YAE1: variants seen among roughly 807,000 people sequenced by gnomAD.
The protein encoded by YAE1 is protein YAE1 homolog.
A neutral mutation model predicts 23.0 loss-of-function variants in YAE1; 22 were observed. The ratio of observed to expected loss-of-function variants is 0.96; its 90% CI spans 0.68 to 1.37. The LOEUF (loss-of-function observed/expected upper bound fraction) is 1.37. Ranked by LOEUF, YAE1 falls within the 40% of genes most tolerant of loss-of-function variation. The probability of loss-of-function intolerance (pLI) is 0.00; values close to 1 mark genes in which losing one functional copy is unlikely to be tolerated. For synonymous variants in YAE1, 101 were observed against 97.0 expected (o/e 1.04, Z -0.24); for missense variants, 260 against 262.1 (o/e 0.99, Z 0.06).
rs765172035 is a variant in YAE1 at position 39,572,298 on chromosome 7, C to T, written c.273C>T (p.His91=). The T allele has an allele frequency of 7.4e-6, 12 of 1,612,556 alleles. No homozygotes were observed. The Middle Eastern group carries it at 6.6e-4, about 89-fold the overall frequency. ...GTLSALLSWC[H]LHNNNSTLIN... is the part of the protein sequence containing the mutation. ...TCAGTGCTTTGCTCTCCTGGTGTCA[C>T]CTTCATAATAATAATTCAACTTTGA... is the stretch of plus-strand genomic sequence containing the variant. The change falls in exon 3 of 3, where the codon CAC becomes CAT. Residue 91 remains histidine (H), a synonymous_variant. Transcript: ENST00000223273.
At chr7:39,608,627 G>A (rs1791162862) in intron 2 of YAE1, among the ~76,000 whole-genome samples, 1 of 152,128 alleles carries the variant, frequency 6.6e-6, no homozygotes, top group Non-Finnish European at 1.5e-5. Flanking sequence ...GGAAAGACAG[G>A]AAATAAGCTA....
intron 2 of YAE1, among the ~76,000 whole-genome samples, chr7:39,608,072 CA>C (rs1318761440): frequency 3.9e-5 from 6 of 152,308 alleles, no homozygotes; most frequent in Admixed American, 3.9e-4. Flanking sequence ...AGAACATGTT[CA>C]CCCTCCCTTG....
intron 2 of YAE1, among the ~76,000 whole-genome samples, chr7:39,589,386 G>C (rs184595161): frequency 6.6e-5 from 10 of 151,992 alleles, no homozygotes; most frequent in Non-Finnish European, 1.3e-4. Flanking sequence ...TCCCACCTCA[G>C]CCTCCCAAGT....
chr7:39,584,835 AAAGT>A (rs1472649964), intron 2 of YAE1, among the ~76,000 whole-genome samples: 1 of 152,190 alleles, frequency 6.6e-6, no homozygotes. Context: ...CATGGGCAAC[AAAGT>A]AAGACCCCAT....
chr7:39,566,854 C>T lies in YAE1; in HGVS notation c.129+307C>T, dbSNP rs188170050. ...CACAGGGAAAGGAGCTGGAGAGAAA[C>T]ATACACTATACTTATTATGGCTGTC... is the stretch of plus-strand genomic sequence containing the variant. On this transcript the variant is annotated intron_variant, in intron 1 of 2. Transcript: ENST00000223273. The T allele has an allele frequency of 1.8e-4, 54 of 297,654 alleles. No individual in the cohort carries two copies. In the Admixed American group the frequency reaches 2.0e-3, roughly 11 times the overall value. 18.4% of individuals were successfully genotyped at this position (297,654 alleles called of 1,614,324 possible).
At chr7:39,588,233 C>T (rs764924825) in intron 2 of YAE1, among the ~76,000 whole-genome samples, 4 of 152,258 alleles carry the variant, frequency 2.6e-5, no homozygotes, top group East Asian at 3.9e-4. Flanking sequence ...AAAAATGGGC[C>T]GGACGTGGTG....
chr7:39,596,534 G>A (rs773435855), intron 2 of YAE1, among the ~76,000 whole-genome samples: 4 of 152,110 alleles, frequency 2.6e-5, no homozygotes, highest in Non-Finnish European at 5.9e-5. Context: ...ACCATGCCCG[G>A]CTTTAAGTCA....
intron 2 of YAE1, among the ~76,000 whole-genome samples, chr7:39,581,919 A>G (rs1790748290): frequency 6.6e-6 from 1 of 151,154 alleles, no homozygotes; most frequent in African/African-American, 2.5e-5. Context: ...TAGCTTTTTA[A>G]AAAGTAAAAG....
downstream of YAE1, among the ~76,000 whole-genome samples, chr7:39,573,154 T>C (rs1226186097): frequency 6.6e-6 from 1 of 152,162 alleles, no homozygotes; most frequent in Non-Finnish European, 1.5e-5. Flanking sequence ...TATAGATATG[T>C]AGATATATAT....
At chr7:39,579,229 G>A (rs898272483) in intron 2 of YAE1, among the ~76,000 whole-genome samples, 4 of 152,128 alleles carry the variant, frequency 2.6e-5, no homozygotes, top group Admixed American at 6.6e-5. Flanking sequence ...GGAAATCGAG[G>A]CACCAAGAAG....
chr7:39,598,797 AAAG>A (rs562386955), intron 2 of YAE1, among the ~76,000 whole-genome samples: 36 of 148,430 alleles, frequency 2.4e-4, no homozygotes, highest in East Asian at 7.7e-4. Context: ...AAAAAAAAAA[AAAG>A]AAGAAGAAGA....
chr7:39,587,771 CAT>C (rs1300592467), intron 2 of YAE1, among the ~76,000 whole-genome samples: 2 of 147,312 alleles, frequency 1.4e-5, no homozygotes, highest in African/African-American at 2.5e-5. Context: ...TTTTAAAAAT[CAT>C]GTGTGTAGGT....
At chr7:39,580,895 C>CG (rs1790732830) in intron 2 of YAE1, among the ~76,000 whole-genome samples, 1 of 152,130 alleles carries the variant, frequency 6.6e-6, no homozygotes, top group Non-Finnish European at 1.5e-5. Context: ...TTTTCCAAAG[C>CG]TCTGAGGCCT....
chr7:39,572,147 T>G, intron 2 of YAE1, 130 bp from the exon 3 acceptor site: 1 of 963,702 alleles, frequency 1.0e-6, no homozygotes, highest in Non-Finnish European at 1.5e-6. Flanking sequence ...GTATATAGAG[T>G]TATGAAAGAG....
chr7:39,582,119 T>C (rs1230217561), intron 2 of YAE1, among the ~76,000 whole-genome samples: 1 of 151,884 alleles, frequency 6.6e-6, no homozygotes, highest in Non-Finnish European at 1.5e-5. Flanking sequence ...TTCTGATTAG[T>C]ACTTTGGTGA....
chr7:39,571,511 G>C (rs1311441784), intron 2 of YAE1, among the ~76,000 whole-genome samples: 127 of 152,062 alleles, frequency 8.4e-4, no homozygotes, highest in Non-Finnish European at 7.4e-5. Context: ...TTGTATTTGG[G>C]ATTTTAGAAA....
At chr7:39,602,002 A>G (rs1185500782) in intron 2 of YAE1, among the ~76,000 whole-genome samples, 1 of 152,184 alleles carries the variant, frequency 6.6e-6, no homozygotes, top group Non-Finnish European at 1.5e-5. Context: ...GAATGGATGC[A>G]TGAAAAAAAA....
chr7:39,593,011 A>T (rs1284834769), intron 2 of YAE1, among the ~76,000 whole-genome samples: 1 of 151,488 alleles, frequency 6.6e-6, no homozygotes, highest in Non-Finnish European at 1.5e-5. Context: ...ATTTTCTCCC[A>T]GGCTTTCTTC....
intron 1 of YAE1, 65 bp from the exon 2 acceptor site, chr7:39,570,440 CT>C: frequency 1.3e-6 from 2 of 1,579,304 alleles, no homozygotes; most frequent in South Asian, 1.2e-5. Context: ...TGGTTCTGTA[CT>C]TTTCTAGAAA....
Sources: allele counts gnomAD v4.1 joint callset (sites outside exome capture counted in the v4.1 genomes callset), GRCh38; gene constraint gnomAD v4.1.1; transcripts MANE v1.5; gene names NCBI Gene and HGNC (gene_info 2026-07-23, HGNC 2026-07-21).